PPWD1: variants seen among roughly 807,000 people sequenced by gnomAD.
The protein encoded by PPWD1 is peptidylprolyl isomerase domain and WD repeat-containing protein 1.
PPWD1 carries 43 observed loss-of-function variants against 68.8 expected under a neutral mutation model. The observed-to-expected ratio is 0.62, with a 90% CI of 0.49 to 0.81. The LOEUF is 0.81. PPWD1 is among the 30% of genes least tolerant of loss of function. The probability of loss-of-function intolerance (pLI) is 0.00; values close to 1 mark genes in which losing one functional copy is unlikely to be tolerated. For synonymous variants in PPWD1, 232 were observed against 258.7 expected, an observed-to-expected ratio of 0.90 and a Z score of 0.99; for missense variants, 672 against 804.8, an observed-to-expected ratio of 0.83 and a Z score of 2.00.
intron 5 of PPWD1, among the ~76,000 whole-genome samples, chr5:65,574,306 C>A (rs759452863): frequency 1.8e-4 from 28 of 152,216 alleles, no homozygotes; most frequent in Non-Finnish European, 3.4e-4. Context: ...AAACATTTAT[C>A]GGTAATACTT....
At chr5:65,587,087 C>A (rs2150612996) in intron 10 of PPWD1, 166 bp from the exon 11 acceptor site, 1 of 430,256 alleles carries the variant, frequency 2.3e-6, no homozygotes, top group Non-Finnish European at 3.1e-6. Context: ...CTGGAAATAA[C>A]TTTTAAAAGC....
At chr5:65,578,360 C>T (rs1382644340) in intron 6 of PPWD1, among the ~76,000 whole-genome samples, 2 of 152,192 alleles carry the variant, frequency 1.3e-5, no homozygotes, top group East Asian at 1.9e-4. Context: ...TACCAAGGAG[C>T]ACAATTGCTG....
intron 6 of PPWD1, among the ~76,000 whole-genome samples, chr5:65,578,482 A>G (rs1035335250): frequency 6.6e-6 from 1 of 152,236 alleles, no homozygotes; most frequent in Admixed American, 6.5e-5. Flanking sequence ...GTCACTCCAC[A>G]TCTGTGCCAC....
chr5:65,587,414 T>A lies in PPWD1; in HGVS notation c.*18T>A. The A allele has an allele frequency of 6.3e-7, 1 of 1,575,270 alleles. No individual in the cohort carries two copies. The highest frequency in any genetic ancestry group is 8.7e-7 in the Non-Finnish European group (1 of 1,149,314). On this transcript the variant is annotated 3_prime_UTR_variant, in exon 11 of 11. Transcript: ENST00000261308. ...TCAAGTAAAATAAGATTTGTTTTAA[T>A]GTACTTGCAAATAAAAATACAATAT...
In PPWD1 at chr5:65,580,926, T is replaced by G. The variant is rs182857335; in HGVS notation, c.1350+1313T>G. ...TTTGTGTGAACATCAATAATTTATT[T>G]TTTTGGCCTCTGACGCTGTGCTCTT... On this transcript the variant is annotated intron_variant, in intron 7 of 10. Coordinates refer to ENST00000261308, the MANE Select transcript of PPWD1 (RefSeq NM_015342.4). Among the ~76,000 whole-genome samples the G allele has an allele frequency of 6.0e-3, 913 of 152,322 alleles. 4 individuals are homozygous for G. The highest frequency in any genetic ancestry group is 0.021 in the African/African-American group (868 of 41,564).
intron 6 of PPWD1, among the ~76,000 whole-genome samples, chr5:65,578,359 G>A (rs987829776): frequency 2.0e-5 from 3 of 152,212 alleles, no homozygotes; most frequent in African/African-American, 4.8e-5. Context: ...ATACCAAGGA[G>A]CACAATTGCT....
intron 1 of PPWD1, among the ~76,000 whole-genome samples, chr5:65,565,580 G>C (rs2150588353): frequency 6.6e-6 from 1 of 152,008 alleles, no homozygotes; most frequent in Non-Finnish European, 1.5e-5. Flanking sequence ...GAGGCGGGCA[G>C]ATCATCAGGT....
chr5:65,564,760 A>G (rs1468957215), intron 1 of PPWD1, among the ~76,000 whole-genome samples: 1 of 151,810 alleles, frequency 6.6e-6, no homozygotes, highest in Admixed American at 6.6e-5. Context: ...TTCTAAAATC[A>G]CTCGAGAATC....
rs981350496 is a variant in PPWD1 at position 65,563,701 on chromosome 5, G to T, written c.196+195G>T. Reference sequence around the variant, plus strand: ...TTTAAGCGTAGTACAACGTCTTTTTGATAATATCTAACACTTTTGATCATT... The same window carrying T: ...TTTAAGCGTAGTACAACGTCTTTTTTATAATATCTAACACTTTTGATCATT... On this transcript the variant is annotated intron_variant, in intron 1 of 10. Transcript: ENST00000261308. The T allele has an allele frequency of 8.7e-6, 12 of 1,386,524 alleles. No individual in the cohort carries two copies. The South Asian group carries it at 1.4e-4, about 16-fold the overall frequency. 85.9% of individuals were successfully genotyped at this position (1,386,524 alleles called of 1,614,324 possible).
rs1450592987 is a variant in PPWD1 at position 65,579,568 on chromosome 5, C to T, written c.1305C>T (p.Asp435=). Residue 435 remains aspartate, a synonymous_variant, in exon 7 of 11, where the codon GAC becomes GAT. Transcript: ENST00000261308. ...CTGTTCTTCAGAATATTCAAGCTGA[C>T]CCAACAATAGTCTGTACATCATTCA... ...ENPVLQNIQA[D]PTIVCTSFKK... 1 of 1,606,466 alleles carries T rather than the reference C, an allele frequency of 6.2e-7. No individual in the cohort carries two copies. Among genetic ancestry groups the T allele is most frequent in the Non-Finnish European group, 8.5e-7 (1 of 1,177,328 alleles).
At chr5:65,581,061 A>G (rs1388758533) in intron 7 of PPWD1, among the ~76,000 whole-genome samples, 4 of 152,220 alleles carry the variant, frequency 2.6e-5, no homozygotes, top group African/African-American at 9.6e-5. Flanking sequence ...TTCCTCCAAA[A>G]CATTGTAAAC....
rs541669196 is a variant in PPWD1 at position 65,576,263 on chromosome 5, T to C, written c.970-616T>C. ...GTTATATTTCATTGGAAAGTGCTAC[T>C]CTGTGACTTTTAAAAGGCAGCAGAT... On this transcript the variant is annotated intron_variant, in intron 5 of 10. Transcript: ENST00000261308. 6 of 941,458 alleles carry C rather than the reference T, an allele frequency of 6.4e-6. No homozygotes were observed. In the East Asian group the frequency reaches 5.8e-4, roughly 91 times the overall value. The allele number at this position is 941,458 out of a possible 1,614,324, so 58.3% of individuals were successfully genotyped here.
chr5:65,573,487 TTAGAGATGGG>T (rs1753118895), intron 5 of PPWD1, among the ~76,000 whole-genome samples: 2 of 60,338 alleles, frequency 3.3e-5, no homozygotes, highest in African/African-American at 1.4e-4. Flanking sequence ...TTTTTTTTTA[TTAGAGATGGG>T]TTTTTTTTAG....
At chr5:65,576,675 T>C (rs1753300751) in intron 5 of PPWD1, 3 of 803,062 alleles carry the variant, frequency 3.7e-6, no homozygotes, top group Non-Finnish European at 4.5e-6. Context: ...ATGCCCAGCC[T>C]GAAATACTAT....
chr5:65,565,707 C>G (rs1752718228), intron 1 of PPWD1, among the ~76,000 whole-genome samples: 1 of 150,606 alleles, frequency 6.6e-6, no homozygotes, highest in Non-Finnish European at 1.5e-5. Flanking sequence ...ATTCAGGAGG[C>G]TGAGGCAGGA....
At chr5:65,571,509 C>CA (rs1191362540) in intron 4 of PPWD1, among the ~76,000 whole-genome samples, 1 of 152,056 alleles carries the variant, frequency 6.6e-6, no homozygotes, top group African/African-American at 2.4e-5. Flanking sequence ...TACAGAGATC[C>CA]AAAAAGCAAT....
chr5:65,576,752 CAGTT>C (rs1753305811), intron 5 of PPWD1, 123 bp from the exon 6 acceptor site: 3 of 1,388,864 alleles, frequency 2.2e-6, no homozygotes, highest in Middle Eastern at 2.0e-4. Flanking sequence ...GAAGTACAAA[CAGTT>C]AGTGGCTCTT....
At chr5:65,567,445 G>C in intron 1 of PPWD1, 68 bp from the exon 2 acceptor site, 1 of 1,444,104 alleles carries the variant, frequency 6.9e-7, no homozygotes. Flanking sequence ...TTTAAATAAA[G>C]AAAATACAAA....
chr5:65,582,495 T>C (rs1753636776), intron 7 of PPWD1: 1 of 152,458 alleles, frequency 6.6e-6, no homozygotes, highest in African/African-American at 2.4e-5. Context: ...AATATGTATA[T>C]AGTACCCTCT....
Sources: gnomAD v4.1 joint callset for allele counts (sites outside exome capture counted in the v4.1 genomes callset) on GRCh38, gnomAD v4.1.1 for gene constraint, MANE v1.5 for transcripts, NCBI Gene and HGNC (gene_info 2026-07-23, HGNC 2026-07-21) for gene names.